LPP: variants seen among roughly 807,000 people sequenced by gnomAD.
LPP encodes lipoma-preferred partner.
In LPP, 38 loss-of-function variants were observed where a neutral mutation model predicts 60.4. That is an observed-to-expected ratio of 0.63 (90% CI 0.49 to 0.83). LPP has a LOEUF of 0.83. Ranked by LOEUF, LPP falls within the 40% of genes least tolerant of loss-of-function variation. The pLI, the probability that LPP is intolerant of heterozygous loss-of-function variation, is 0.00. For missense variants in LPP, 902 were observed against 783.6 expected, an observed-to-expected ratio of 1.15 and a Z score of -1.80; for synonymous variants, 328 against 290.8, an observed-to-expected ratio of 1.13 and a Z score of -1.30.
intron 9 of LPP, among the ~76,000 whole-genome samples, chr3:188,828,614 C>CAAA (rs71169022): frequency 0.013 from 419 of 31,334 alleles, 88 homozygotes; most frequent in African/African-American, 0.027. Flanking sequence ...AACTCTGTCT[C>CAAA]AAAAAAAAAA....
chr3:188,484,470 C>A, intron 4 of LPP, 122 bp from the exon 5 acceptor site: 1 of 654,210 alleles, frequency 1.5e-6, no homozygotes, highest in South Asian at 1.9e-5. Flanking sequence ...GGAATAATTG[C>A]TATACAACAC....
intron 9 of LPP, among the ~76,000 whole-genome samples, chr3:188,835,728 G>A (rs1577879118): frequency 6.6e-6 from 1 of 152,308 alleles, no homozygotes; most frequent in African/African-American, 2.4e-5. Flanking sequence ...ACGCCCCTAC[G>A]ATGTGACAAG....
At chr3:188,868,618 C>G (rs1403279371) in intron 10 of LPP, among the ~76,000 whole-genome samples, 2 of 152,180 alleles carry the variant, frequency 1.3e-5, no homozygotes, top group Non-Finnish European at 2.9e-5. Context: ...TTATGGAACT[C>G]TTATTTATAA....
chr3:188,567,860 T>C (rs1308881086), intron 6 of LPP, among the ~76,000 whole-genome samples: 5 of 152,038 alleles, frequency 3.3e-5, no homozygotes, highest in African/African-American at 9.7e-5. Flanking sequence ...TTTCTAGCTA[T>C]AGCTTTCATC....
intron 7 of LPP, among the ~76,000 whole-genome samples, chr3:188,686,439 G>C (rs980538838): frequency 2.0e-5 from 3 of 152,118 alleles, no homozygotes; most frequent in Non-Finnish European, 2.9e-5. Flanking sequence ...AAATTTAATG[G>C]GCATAGATAC....
chr3:188,601,299 C>T (rs114900738), intron 6 of LPP, among the ~76,000 whole-genome samples: 7 of 152,104 alleles, frequency 4.6e-5, no homozygotes, highest in Admixed American at 3.3e-4. Context: ...ACTATTAACA[C>T]GGAGCTTCTT....
At chr3:188,161,317 G>T (rs1187421399) in intron 1 of LPP, among the ~76,000 whole-genome samples, 1 of 152,202 alleles carries the variant, frequency 6.6e-6, no homozygotes, top group East Asian at 1.9e-4. Context: ...CAGGAGAAAT[G>T]GGCCTGTATC....
chr3:188,529,565 T>C (rs1821582605), intron 6 of LPP, among the ~76,000 whole-genome samples: 1 of 151,868 alleles, frequency 6.6e-6, no homozygotes, highest in Non-Finnish European at 1.5e-5. Context: ...TGTGAGCTCT[T>C]GAAAATAGGT....
intron 4 of LPP, among the ~76,000 whole-genome samples, chr3:188,414,310 A>G (rs1785609554): frequency 6.6e-6 from 1 of 152,160 alleles, no homozygotes; most frequent in Admixed American, 6.6e-5. Context: ...AAACTTTCTG[A>G]GTGCTAACAC....
chr3:188,172,275 T>C (rs548751221), intron 1 of LPP, among the ~76,000 whole-genome samples: 1 of 152,238 alleles, frequency 6.6e-6, no homozygotes. Context: ...GCCAGAGCTC[T>C]GGAGCTACAC....
intron 3 of LPP, among the ~76,000 whole-genome samples, chr3:188,384,373 T>G (rs1777662246): frequency 6.6e-6 from 1 of 151,448 alleles, no homozygotes; most frequent in African/African-American, 2.4e-5. Context: ...TACATACATG[T>G]GTACACACCA....
At chr3:188,550,509 C>T (rs1010721613) in intron 6 of LPP, among the ~76,000 whole-genome samples, 3 of 129,758 alleles carry the variant, frequency 2.3e-5, no homozygotes, top group African/African-American at 3.0e-5. Flanking sequence ...ACCTGAGAGG[C>T]GGAGGTTGCG....
intron 4 of LPP, among the ~76,000 whole-genome samples, chr3:188,422,487 C>T (rs1788058315): frequency 6.6e-6 from 1 of 152,138 alleles, no homozygotes; most frequent in African/African-American, 2.4e-5. Flanking sequence ...TTTTTCTAGG[C>T]TGTCTTTCCT....
chr3:188,476,908 T>A (rs1179231225), intron 4 of LPP, among the ~76,000 whole-genome samples: 1 of 152,108 alleles, frequency 6.6e-6, no homozygotes, highest in East Asian at 1.9e-4. Context: ...ACAGAGAACA[T>A]GGAATGGCCA....
intron 2 of LPP, among the ~76,000 whole-genome samples, chr3:188,339,501 C>T (rs1762493885): frequency 6.6e-6 from 1 of 152,152 alleles, no homozygotes; most frequent in Non-Finnish European, 1.5e-5. Context: ...TTCCACATTG[C>T]TGGGGAGGCC....
At chr3:188,552,211 A>T (rs1032177004) in intron 6 of LPP, among the ~76,000 whole-genome samples, 10 of 152,184 alleles carry the variant, frequency 6.6e-5, no homozygotes, top group African/African-American at 2.2e-4. Flanking sequence ...ACATAGTAGA[A>T]CTGAAGTGAT....
At chr3:188,702,951 C>A (rs1481409402) in intron 7 of LPP, among the ~76,000 whole-genome samples, 1 of 152,132 alleles carries the variant, frequency 6.6e-6, no homozygotes, top group Non-Finnish European at 1.5e-5. Context: ...ACTCAGCACA[C>A]CCCAGTTTCA....
intron 2 of LPP, among the ~76,000 whole-genome samples, chr3:188,319,597 G>C (rs967837215): frequency 2.0e-5 from 3 of 152,066 alleles, no homozygotes; most frequent in Non-Finnish European, 4.4e-5. Flanking sequence ...TTTCTGATGG[G>C]GTTTTGATTT....
intron 5 of LPP, among the ~76,000 whole-genome samples, chr3:188,503,784 G>C (rs1026965290): frequency 1.3e-5 from 2 of 151,978 alleles, no homozygotes; most frequent in African/African-American, 4.8e-5. Context: ...GGCATCTAAG[G>C]CTGCTGCTAA....
Sources: allele counts gnomAD v4.1 joint callset (sites outside exome capture counted in the v4.1 genomes callset), GRCh38; gene constraint gnomAD v4.1.1; transcripts MANE v1.5; gene names NCBI Gene and HGNC (gene_info 2026-07-23, HGNC 2026-07-21).